GPHN: variants seen among roughly 807,000 people sequenced by gnomAD.
The protein encoded by GPHN is gephyrin.
A neutral mutation model predicts 95.5 loss-of-function variants in GPHN; 17 were observed. The observed-to-expected ratio is 0.18, with a 90% CI of 0.12 to 0.27. The LOEUF (loss-of-function observed/expected upper bound fraction) is 0.27, where lower values mean the gene tolerates loss of function less well. Among genes scored for constraint, GPHN ranks in the 10% least tolerant of loss-of-function variants. GPHN has a pLI of 1.00. For synonymous variants in GPHN, 320 were observed against 322.5 expected (o/e 0.99, Z 0.08); for missense variants, 660 against 978.1 (o/e 0.67, Z 4.34).
At chr14:66,939,686 C>G (rs1426953247) in intron 8 of GPHN, among the ~76,000 whole-genome samples, 1 of 152,160 alleles carries the variant, frequency 6.6e-6, no homozygotes, top group Admixed American at 6.5e-5. Context: ...TTATCTGCCT[C>G]CTGCATCTAT....
intron 1 of GPHN, among the ~76,000 whole-genome samples, chr14:66,576,139 G>T (rs376714393): frequency 1.3e-5 from 2 of 152,060 alleles, no homozygotes; most frequent in South Asian, 4.1e-4. Flanking sequence ...GCCTGCAGCT[G>T]TGGATGCTGG....
intron 1 of GPHN, among the ~76,000 whole-genome samples, chr14:66,591,711 G>T (rs999975237): frequency 2.0e-5 from 3 of 152,138 alleles, no homozygotes; most frequent in African/African-American, 7.2e-5. Flanking sequence ...AATCAATATC[G>T]TGAAAATGAC....
chr14:67,691,084 T>C, the GPHN span: 2 of 1,172,946 alleles, frequency 1.7e-6, no homozygotes, highest in Non-Finnish European at 2.6e-6. Flanking sequence ...GACCCCTAAG[T>C]TTCCCAAAGA....
the GPHN span, chr14:67,292,506 A>G: frequency 4.9e-5 from 78 of 1,587,510 alleles, 1 homozygote; most frequent in African/African-American, 9.5e-4. Flanking sequence ...TTCTTCTTCT[A>G]CTAGAAATAG....
chr14:67,527,394 C>T, the GPHN span, among the ~76,000 whole-genome samples: 1 of 152,096 alleles, frequency 6.6e-6, no homozygotes, highest in South Asian at 2.1e-4. Context: ...GCCGATATCG[C>T]ACCATTGCAC....
intron 3 of GPHN, among the ~76,000 whole-genome samples, chr14:66,796,116 A>G (rs893047929): frequency 6.6e-6 from 1 of 152,152 alleles, no homozygotes; most frequent in African/African-American, 2.4e-5. Flanking sequence ...TATTTCACTT[A>G]ACATAATGAC....
At chr14:67,187,452 C>T in the GPHN span, among the ~76,000 whole-genome samples, 2 of 152,140 alleles carry the variant, frequency 1.3e-5, no homozygotes, top group African/African-American at 2.4e-5. Flanking sequence ...AAGTTAACTC[C>T]CTCCTTTCCA....
chr14:66,849,062 C>G (rs2062463882), intron 4 of GPHN, among the ~76,000 whole-genome samples: 1 of 151,658 alleles, frequency 6.6e-6, no homozygotes, highest in African/African-American at 2.4e-5. Context: ...TAGGTAGGTA[C>G]CACTTTACAG....
intron 1 of GPHN, among the ~76,000 whole-genome samples, chr14:66,658,308 G>A (rs961371538): frequency 4.6e-5 from 7 of 152,054 alleles, no homozygotes; most frequent in African/African-American, 1.4e-4. Context: ...ATCTACTCCT[G>A]GTGAAGATGC....
At chr14:67,518,185 T>G in the GPHN span, among the ~76,000 whole-genome samples, 9 of 152,224 alleles carry the variant, frequency 5.9e-5, no homozygotes, top group Non-Finnish European at 1.0e-4. Context: ...TACCAGCCCC[T>G]GCTTTGCCTT....
intron 11 of GPHN, among the ~76,000 whole-genome samples, chr14:67,069,727 CATCTGGATCCTGT>C (rs2076209844): frequency 6.6e-6 from 1 of 152,214 alleles, no homozygotes; most frequent in Admixed American, 6.5e-5. Flanking sequence ...TGTTGGCCTG[CATCTGGATCCTGT>C]ATGCATTTTG....
chr14:66,692,308 T>G (rs969184403), intron 2 of GPHN, among the ~76,000 whole-genome samples: 1 of 152,172 alleles, frequency 6.6e-6, no homozygotes, highest in South Asian at 2.1e-4. Flanking sequence ...TAAGTTTACA[T>G]GGAAGGAGTG....
chr14:66,830,502 A>C (rs2061544217), intron 4 of GPHN, among the ~76,000 whole-genome samples: 1 of 152,172 alleles, frequency 6.6e-6, no homozygotes, highest in Non-Finnish European at 1.5e-5. Flanking sequence ...TGACATTCTT[A>C]GGAATGCCTC....
intron 1 of GPHN, among the ~76,000 whole-genome samples, chr14:66,671,248 C>T (rs1241511642): frequency 2.0e-5 from 3 of 152,046 alleles, no homozygotes; most frequent in African/African-American, 7.2e-5. Flanking sequence ...TGCCTTTGAG[C>T]GTGTCATTGC....
chr14:67,430,213 T>A, the GPHN span, among the ~76,000 whole-genome samples: 2 of 152,130 alleles, frequency 1.3e-5, no homozygotes, highest in Admixed American at 6.6e-5. Flanking sequence ...TTGGATGACA[T>A]GGACCCAGAT....
chr14:67,201,911 G>T, the GPHN span, among the ~76,000 whole-genome samples: 6 of 152,252 alleles, frequency 3.9e-5, no homozygotes, highest in East Asian at 1.2e-3. Flanking sequence ...AAGTGGCAGA[G>T]ATTTTACTGG....
At chr14:67,690,648 T>G in the GPHN span, 1 of 517,082 alleles carries the variant, frequency 1.9e-6, no homozygotes, top group Non-Finnish European at 3.5e-6. Flanking sequence ...ACTATGTGAA[T>G]ATGAAGTCCC....
intron 9 of GPHN, among the ~76,000 whole-genome samples, chr14:67,023,107 G>A (rs1039023085): frequency 3.6e-4 from 55 of 151,864 alleles, no homozygotes; most frequent in African/African-American, 1.3e-3. Context: ...AGAATCAAAT[G>A]TAAATGTTAT....
the GPHN span, among the ~76,000 whole-genome samples, chr14:67,217,238 T>C: frequency 2.6e-5 from 4 of 152,318 alleles, no homozygotes; most frequent in Admixed American, 2.6e-4. Context: ...TGCTTGACTT[T>C]GGTTTCCATT....
Sources: allele counts gnomAD v4.1 joint callset (sites outside exome capture counted in the v4.1 genomes callset), GRCh38; gene constraint gnomAD v4.1.1; transcripts MANE v1.5; gene names NCBI Gene and HGNC (gene_info 2026-07-23, HGNC 2026-07-21).